The following OR9Q1 variants were observed in gnomAD, a reference collection of about 807,000 sequenced individuals.
The protein encoded by OR9Q1 is olfactory receptor family 9 subfamily Q member 1.
For synonymous variants in OR9Q1, 153 were observed against 148.6 expected, an observed-to-expected ratio of 1.03 and a Z score of -0.22; for missense variants, 374 against 378.8, an observed-to-expected ratio of 0.99 and a Z score of 0.11.
intron 2 of OR9Q1, among the ~76,000 whole-genome samples, chr11:58,154,507 C>T (rs932928533): frequency 6.6e-6 from 1 of 151,576 alleles, no homozygotes; most frequent in Non-Finnish European, 1.5e-5. Flanking sequence ...GTTAAATGCA[C>T]AGCCCAAGAG....
intron 1 of OR9Q1, among the ~76,000 whole-genome samples, chr11:58,048,107 G>C (rs1853237606): frequency 6.6e-6 from 1 of 152,156 alleles, no homozygotes; most frequent in Admixed American, 6.5e-5. Flanking sequence ...TCACAGATAG[G>C]CTGGTCTTAT....
In OR9Q1 at chr11:58,172,236, T is replaced by C. The variant is rs116700445; in HGVS notation, c.-14-7195T>C. ...AAATGCATGGCATATTCCCTGGCAC[T>C]CAGTGGGCACAGGGATGTTGGCTAT... On this transcript the variant is annotated intron_variant, in intron 2 of 2. Transcript: ENST00000335397. Among the ~76,000 whole-genome samples the C allele has an allele frequency of 2.5e-3, 385 of 152,340 alleles. 2 individuals are homozygous for C. Among genetic ancestry groups the C allele is most frequent in the African/African-American group, 8.9e-3 (370 of 41,580 alleles).
At chr11:58,133,200 A>C (rs1223852904) in intron 2 of OR9Q1, among the ~76,000 whole-genome samples, 1 of 152,162 alleles carries the variant, frequency 6.6e-6, no homozygotes, top group African/African-American at 2.4e-5. Flanking sequence ...CCTCTAACAT[A>C]AAATGGGTTT....
chr11:58,087,539 A>C (rs1042660842), intron 2 of OR9Q1, among the ~76,000 whole-genome samples: 1 of 151,882 alleles, frequency 6.6e-6, no homozygotes, highest in Admixed American at 6.6e-5. Flanking sequence ...GAAACGAAGG[A>C]TATTCTTCTT....
rs763430236 is a variant in OR9Q1 at position 58,180,251 on chromosome 11, G to A, written c.807G>A (p.Lys269=). The A allele has an allele frequency of 6.2e-7, 1 of 1,614,000 alleles. No individual in the cohort carries two copies. The highest frequency in any genetic ancestry group is 1.3e-5 in the African/African-American group (1 of 74,892). Residue 269 remains lysine (K), a synonymous_variant, in exon 3 of 3, where the codon AAG becomes AAA. Coordinates refer to ENST00000335397, the MANE Select transcript of OR9Q1 (RefSeq NM_001005212.4). The part of the protein sequence containing the change: ...LRGNSDQSSE[K]NRVVSVLYTE... ...GTAACTCAGATCAGTCTTCGGAGAA[G>A]AATCGGGTAGTGTCTGTGCTTTACA...
intron 2 of OR9Q1, among the ~76,000 whole-genome samples, chr11:58,140,258 T>C (rs1268142226): frequency 1.9e-4 from 29 of 152,184 alleles, no homozygotes; most frequent in Non-Finnish European, 2.9e-4. Context: ...CTGATGGTGG[T>C]TTCTTTTGCT....
At chr11:58,119,342 A>G in intron 2 of OR9Q1, 1 of 1,613,854 alleles carries the variant, frequency 6.2e-7, no homozygotes. Context: ...GTGACTAGGT[A>G]GAAACTCAGA....
intron 2 of OR9Q1, chr11:58,108,968 C>T (rs1484778056): frequency 1.3e-5 from 5 of 398,684 alleles, no homozygotes; most frequent in Non-Finnish European, 2.6e-5. Flanking sequence ...GCTTACCCAC[C>T]TGCCGACTTC....
intron 2 of OR9Q1, among the ~76,000 whole-genome samples, chr11:58,083,554 C>T (rs1472521238): frequency 6.6e-6 from 1 of 151,774 alleles, no homozygotes; most frequent in Non-Finnish European, 1.5e-5. Flanking sequence ...GAGGGTATTT[C>T]CTAGGTTCTC....
At chr11:58,089,711 G>T (rs1206719786) in intron 2 of OR9Q1, among the ~76,000 whole-genome samples, 1 of 151,816 alleles carries the variant, frequency 6.6e-6, no homozygotes, top group African/African-American at 2.4e-5. Flanking sequence ...TTGCTTGATG[G>T]GGATAGCACT....
Position 58,025,566 on chromosome 11 carries a change from A to AG in OR9Q1, c.-93+1468dup, listed in dbSNP as rs373911751. Reference sequence around the variant, plus strand: ...ACATGACCCGAAGACGTGTTGGGGCAGGGGGGAAGAGGAGTAGAATTTGGA... The same window carrying AG: ...ACATGACCCGAAGACGTGTTGGGGCAGGGGGGGAAGAGGAGTAGAATTTGGA... On this transcript the variant is annotated intron_variant, in intron 1 of 2. Transcript: ENST00000335397. Among the ~76,000 whole-genome samples, 570 of 152,280 alleles carry AG rather than the reference A, an allele frequency of 3.7e-3. 2 individuals are homozygous for AG. Among genetic ancestry groups the AG allele is most frequent in the African/African-American group, 0.013 (557 of 41,576 alleles).
intron 2 of OR9Q1, among the ~76,000 whole-genome samples, chr11:58,138,901 A>T (rs999403176): frequency 6.6e-6 from 1 of 152,168 alleles, no homozygotes; most frequent in Non-Finnish European, 1.5e-5. Flanking sequence ...CCCTTTGACC[A>T]TCATGTCCCC....
chr11:58,146,017 T>A (rs1026222281), intron 2 of OR9Q1, among the ~76,000 whole-genome samples: 1 of 152,202 alleles, frequency 6.6e-6, no homozygotes, highest in Admixed American at 6.6e-5. Flanking sequence ...TGTGTTAGCC[T>A]GCTTCCCAAG....
chr11:58,090,259 T>C (rs1279737460), intron 2 of OR9Q1, among the ~76,000 whole-genome samples: 1 of 152,252 alleles, frequency 6.6e-6, no homozygotes, highest in Non-Finnish European at 1.5e-5. Context: ...CTTTTGCCCA[T>C]TCAGTATGAT....
intron 2 of OR9Q1, among the ~76,000 whole-genome samples, chr11:58,067,145 C>G (rs1853437763): frequency 6.6e-6 from 1 of 152,050 alleles, no homozygotes; most frequent in Admixed American, 6.5e-5. Flanking sequence ...CATTCTCCTG[C>G]CTCAGCCTCC....
At chr11:58,160,767 C>A (rs1474784910) in intron 2 of OR9Q1, among the ~76,000 whole-genome samples, 1 of 152,178 alleles carries the variant, frequency 6.6e-6, no homozygotes, top group Non-Finnish European at 1.5e-5. Flanking sequence ...GCACTCTCTG[C>A]TTTATCCACA....
intron 2 of OR9Q1, among the ~76,000 whole-genome samples, chr11:58,152,746 C>G (rs1014918219): frequency 4.6e-5 from 7 of 152,148 alleles, no homozygotes; most frequent in African/African-American, 1.7e-4. Context: ...TTTATAGCTT[C>G]TAGGTTTTCT....
Position 58,172,544 on chromosome 11 carries a change from AT to A in OR9Q1, c.-14-6884del, listed in dbSNP as rs1036717060. Among the ~76,000 whole-genome samples, 7 of 152,232 alleles carry A rather than the reference AT, an allele frequency of 4.6e-5. 1 individual carries two copies. Among genetic ancestry groups the A allele is most frequent in the Admixed American group, 6.5e-5 (1 of 15,272 alleles). ...TTTGAGGTTGGTATTATTATTGCCA[AT>A]TTGTAGATGAGGAAGTCAAAATACC... On this transcript the variant is annotated intron_variant, in intron 2 of 2. Coordinates refer to ENST00000335397, the MANE Select transcript of OR9Q1 (RefSeq NM_001005212.4).
intron 2 of OR9Q1, among the ~76,000 whole-genome samples, chr11:58,178,963 T>A (rs2119974079): frequency 7.0e-6 from 1 of 143,148 alleles, no homozygotes; most frequent in East Asian, 2.0e-4. Flanking sequence ...ACATATAATA[T>A]ACATAATATA....
Sources: gnomAD v4.1 joint callset for allele counts (sites outside exome capture counted in the v4.1 genomes callset) on GRCh38, gnomAD v4.1.1 for gene constraint, MANE v1.5 for transcripts, NCBI Gene and HGNC (gene_info 2026-07-23, HGNC 2026-07-21) for gene names.